The following SORCS2 variants were observed in gnomAD, a reference collection of about 807,000 sequenced individuals.
SORCS2 encodes the protein VPS10 domain-containing receptor SorCS2.
In SORCS2, 100 loss-of-function variants were observed where a neutral mutation model predicts 141.6. The observed-to-expected ratio is 0.71, with a 90% confidence interval of 0.60 to 0.83. The LOEUF (loss-of-function observed/expected upper bound fraction) is 0.83, where lower values mean the gene tolerates loss of function less well. SORCS2 is among the 40% of genes least tolerant of loss of function. SORCS2 has a pLI of 0.00. For synonymous variants in SORCS2, 789 were observed against 676.9 expected, an observed-to-expected ratio of 1.17 and a Z score of -2.57; for missense variants, 1,646 against 1,560.2, an observed-to-expected ratio of 1.05 and a Z score of -0.93.
At chr4:7,706,570 G>A (rs1163980170) in intron 14 of SORCS2, among the ~76,000 whole-genome samples, 1 of 140,126 alleles carries the variant, frequency 7.1e-6, no homozygotes, top group African/African-American at 2.7e-5. Flanking sequence ...GGACAGACAT[G>A]AGGCTGGGCT....
At chr4:7,240,466 G>A (rs1006126767) in intron 1 of SORCS2, among the ~76,000 whole-genome samples, 2 of 152,208 alleles carry the variant, frequency 1.3e-5, no homozygotes, top group Non-Finnish European at 2.9e-5. Flanking sequence ...GGAGCTTGGA[G>A]GCTGGAGTGA....
At chr4:7,264,174 G>A (rs570459545) in intron 1 of SORCS2, among the ~76,000 whole-genome samples, 1 of 152,320 alleles carries the variant, frequency 6.6e-6, no homozygotes, top group South Asian at 2.1e-4. Context: ...TAAGTCCCCT[G>A]CCTAAGAGAT....
At chr4:7,418,024 C>G (rs577772997) in intron 2 of SORCS2, among the ~76,000 whole-genome samples, 3 of 152,282 alleles carry the variant, frequency 2.0e-5, no homozygotes, top group Admixed American at 6.5e-5. Flanking sequence ...GAAGCCCTTA[C>G]CAGGCACTTG....
Position 7,663,237 on chromosome 4 carries a change from AAGTGAGTGAGTGAAG to A in SORCS2, c.953-1110_953-1096del, listed in dbSNP as rs1254998500. On this transcript the variant is annotated intron_variant, in intron 6 of 26. Transcript: ENST00000507866. This position sits in a 1 kb window ranked among gnomAD's most constrained non-coding sequence, Gnocchi z 4.8. ...GTGAATGAGTGAGTGAAGAGTGAAT[AAGTGAGTGAGTGAAG>A]AGTGAATAAGTGAGTGAGTGAATGA... Among the ~76,000 whole-genome samples the A allele has an allele frequency of 2.6e-5, 4 of 151,140 alleles. No individual in the cohort carries two copies. Among genetic ancestry groups the A allele is most frequent in the African/African-American group, 9.8e-5 (4 of 40,930 alleles).
At chr4:7,255,833 C>T (rs575269109) in intron 1 of SORCS2, among the ~76,000 whole-genome samples, 3 of 150,106 alleles carry the variant, frequency 2.0e-5, no homozygotes, top group South Asian at 2.1e-4. Flanking sequence ...CGTGGGGACC[C>T]GGGGTTGGTG....
Position 7,676,632 on chromosome 4 carries a change from TCTCTCTCC to T in SORCS2, c.1341+419_1341+426del, listed in dbSNP as rs201160972. ...GCAGTGCTTCTCTCTGAGTGCCCCA[TCTCTCTCC>T]CTCTCTCCCTCTCTCTCTCTACCCC... On this transcript the variant is annotated intron_variant, in intron 9 of 26. Transcript: ENST00000507866. Among the ~76,000 whole-genome samples, 923 of 151,294 alleles carry T rather than the reference TCTCTCTCC, an allele frequency of 6.1e-3. 10 individuals are homozygous for T. Among genetic ancestry groups the T allele is most frequent in the African/African-American group, 0.02 (818 of 41,046 alleles).
At chr4:7,378,257 C>G (rs1722777573) in intron 1 of SORCS2, among the ~76,000 whole-genome samples, 1 of 152,176 alleles carries the variant, frequency 6.6e-6, no homozygotes, top group Admixed American at 6.5e-5. Flanking sequence ...TCTCTTCAGG[C>G]TAATGTGTAT....
At chr4:7,393,526 T>C (rs531154511) in intron 1 of SORCS2, among the ~76,000 whole-genome samples, 4 of 152,300 alleles carry the variant, frequency 2.6e-5, no homozygotes, top group African/African-American at 9.6e-5. Context: ...TTGCCTGGGA[T>C]CAAATTCTAG....
intron 3 of SORCS2, among the ~76,000 whole-genome samples, chr4:7,615,829 C>T (rs185594727): frequency 2.9e-4 from 44 of 152,310 alleles, no homozygotes; most frequent in Non-Finnish European, 5.3e-4. Flanking sequence ...TGACCAACAG[C>T]CTCCAAACCC....
chr4:7,343,983 G>C (rs751957586), intron 1 of SORCS2, among the ~76,000 whole-genome samples: 6 of 152,192 alleles, frequency 3.9e-5, no homozygotes, highest in Non-Finnish European at 8.8e-5. Context: ...TGTGTGGTTG[G>C]GAGGATTAGT....
chr4:7,204,924 T>C (rs897928396), intron 1 of SORCS2, among the ~76,000 whole-genome samples: 1 of 152,228 alleles, frequency 6.6e-6, no homozygotes, highest in Non-Finnish European at 1.5e-5. Flanking sequence ...ACCGTTTGCC[T>C]TCCAAGTTCA....
At chr4:7,533,799 G>A (rs1711863177) in intron 3 of SORCS2, among the ~76,000 whole-genome samples, 1 of 146,914 alleles carries the variant, frequency 6.8e-6, no homozygotes, top group African/African-American at 2.5e-5. Context: ...CGTGACCTCC[G>A]CTGAGCCTCA....
intron 24 of SORCS2, among the ~76,000 whole-genome samples, chr4:7,733,649 G>A (rs375005883): frequency 5.5e-4 from 83 of 152,290 alleles, no homozygotes; most frequent in African/African-American, 1.7e-3. Flanking sequence ...TTCGGGTCTC[G>A]GATAATCTCT....
chr4:7,691,370 AG>A (rs1035447138), intron 11 of SORCS2, among the ~76,000 whole-genome samples: 9 of 152,286 alleles, frequency 5.9e-5, no homozygotes, highest in African/African-American at 2.2e-4. Flanking sequence ...TCTGGGTGGA[AG>A]GGGGAACGTG....
chr4:7,731,058 G>A (rs1027217496), intron 23 of SORCS2, among the ~76,000 whole-genome samples: 4 of 152,164 alleles, frequency 2.6e-5, no homozygotes, highest in Non-Finnish European at 4.4e-5. Context: ...GCTTGGCGAG[G>A]GCCACCGTCA....
intron 2 of SORCS2, 60 bp from the exon 3 acceptor site, chr4:7,531,470 G>A: frequency 1.3e-6 from 2 of 1,522,056 alleles, no homozygotes; most frequent in East Asian, 2.3e-5. Context: ...ACACCGTGTG[G>A]GCTGACGAAG....
chr4:7,738,921 G>A (rs1300186190), intron 26 of SORCS2, among the ~76,000 whole-genome samples: 1 of 152,052 alleles, frequency 6.6e-6, no homozygotes, highest in Non-Finnish European at 1.5e-5. Flanking sequence ...CCCCGGTGGG[G>A]GTCCCTTGTC....
intron 3 of SORCS2, among the ~76,000 whole-genome samples, chr4:7,538,587 T>TCACACACACACACACATA (rs1712319485): frequency 6.6e-6 from 1 of 150,578 alleles, no homozygotes; most frequent in African/African-American, 2.4e-5. Context: ...AATATTAAAA[T>TCACACACACACACACATA]CACACACACA....
chr4:7,252,690 C>T (rs988465430), intron 1 of SORCS2, among the ~76,000 whole-genome samples: 20 of 151,984 alleles, frequency 1.3e-4, no homozygotes, highest in African/African-American at 1.7e-4. Flanking sequence ...GCTGGGGGTG[C>T]GGGAGGGATT....
Sources: allele counts gnomAD v4.1 joint callset (sites outside exome capture counted in the v4.1 genomes callset), GRCh38; gene constraint gnomAD v4.1.1; non-coding constraint Gnocchi (gnomAD v3.1); transcripts MANE v1.5; gene names NCBI Gene and HGNC (gene_info 2026-07-23, HGNC 2026-07-21).